Variants in CARHSP1 observed in about 807,000 individuals in gnomAD.
CARHSP1 encodes calcium regulated heat stable protein 1.
Under a neutral mutation model 12.5 loss-of-function variants are expected in CARHSP1, and 14 were observed. That is an observed-to-expected ratio of 1.12 (90% CI 0.74 to 1.75). CARHSP1 has a LOEUF of 1.75. CARHSP1 is among the 40% of genes most tolerant of loss of function. CARHSP1 has a pLI of 0.00. For missense variants in CARHSP1, 343 were observed against 201.6 expected, an observed-to-expected ratio of 1.70 and a Z score of -4.25; for synonymous variants, 161 against 82.0, an observed-to-expected ratio of 1.96 and a Z score of -5.20.
At chr16:8,860,360 C>G in intron 1 of CARHSP1, 1 of 985,438 alleles carries the variant, frequency 1.0e-6, no homozygotes, top group Non-Finnish European at 1.2e-6. Flanking sequence ...ACCGGTAAAT[C>G]CAGCTGGAGG....
intron 3 of CARHSP1, 151 bp downstream of exon 3, chr16:8,858,199 C>G (rs2093300933): frequency 1.1e-6 from 1 of 913,688 alleles, no homozygotes; most frequent in South Asian, 1.7e-5. Flanking sequence ...CACAGGAGCA[C>G]AGCTGGAGCA....
chr16:8,861,534 G>A (rs1016929281), intron 1 of CARHSP1: 3 of 1,115,318 alleles, frequency 2.7e-6, no homozygotes, highest in African/African-American at 3.2e-5. Context: ...CTGCTCAGAG[G>A]AGAAGGGATG....
chr16:8,868,848 G>C (rs910680207), intron 1 of CARHSP1, 118 bp downstream of exon 1: 9 of 152,104 alleles, frequency 5.9e-5, no homozygotes, highest in African/African-American at 2.2e-4. Context: ...TGCCGAGCTA[G>C]AAGACCCTGC....
intron 1 of CARHSP1, among the ~76,000 whole-genome samples, chr16:8,859,537 G>A (rs986433152): frequency 1.3e-5 from 2 of 151,696 alleles, no homozygotes; most frequent in Admixed American, 6.6e-5. Context: ...GGGCCCCCTC[G>A]ATCATAGCTC....
At chr16:8,858,632 C>T (rs139583919) in intron 2 of CARHSP1, 160 bp from the exon 3 acceptor site, 73 of 868,254 alleles carry the variant, frequency 8.4e-5, no homozygotes, top group African/African-American at 5.9e-4. Context: ...CCCTGGGAGC[C>T]GCTCACAAAG....
chr16:8,860,564 G>A (rs2061320692), intron 1 of CARHSP1: 3 of 979,616 alleles, frequency 3.1e-6, no homozygotes, highest in Non-Finnish European at 3.6e-6. Flanking sequence ...TCTGGGCTCA[G>A]TTTCCGAATC....
chr16:8,865,189 GA>G, intron 1 of CARHSP1, among the ~76,000 whole-genome samples: 1 of 152,082 alleles, frequency 6.6e-6, no homozygotes, highest in South Asian at 2.1e-4. Context: ...GCTCACTGCA[GA>G]CCCCCGCCCC....
intron 3 of CARHSP1, among the ~76,000 whole-genome samples, chr16:8,856,100 C>G (rs557757568): frequency 6.6e-6 from 1 of 152,192 alleles, no homozygotes; most frequent in Admixed American, 6.5e-5. Context: ...TGAGCCACCA[C>G]GCCTGGACTC....
chr16:8,857,092 A>G (rs948931874), intron 3 of CARHSP1, among the ~76,000 whole-genome samples: 4 of 152,086 alleles, frequency 2.6e-5, no homozygotes, highest in East Asian at 1.9e-4. Context: ...CCCCAGCCTC[A>G]TGGGGTGTCC....
intron 3 of CARHSP1, 131 bp downstream of exon 3, chr16:8,858,219 G>C: frequency 9.1e-7 from 1 of 1,101,592 alleles, no homozygotes. Flanking sequence ...ACCAGCCACA[G>C]GCAGAGTCAC....
Position 8,853,207 on chromosome 16 carries a change from A to G in CARHSP1, c.*1957T>C, listed in dbSNP as rs570969505. The G allele has an allele frequency of 3.2e-4, 49 of 152,290 alleles. No homozygotes were observed. The highest frequency in any genetic ancestry group is 1.0e-3 in the African/African-American group (43 of 41,550). 9.4% of individuals were successfully genotyped at this position (152,290 alleles called of 1,614,324 possible). On this transcript the variant is annotated 3_prime_UTR_variant, in exon 4 of 4. Coordinates refer to ENST00000311052, the MANE Select transcript of CARHSP1 (RefSeq NM_014316.4). ...GAGCCGCTGACAAAGGATTCTGCCA[A>G]GACAGAATCCCAGGGTCACAGGAGA...
rs766680945 is a variant in CARHSP1 at position 8,853,901 on chromosome 16, C to T, written c.*1263G>A. On this transcript the variant is annotated 3_prime_UTR_variant, in exon 4 of 4. Coordinates refer to ENST00000311052, the MANE Select transcript of CARHSP1 (RefSeq NM_014316.4). ...AGGGGTTCAAGACCATCCTGCCCAA[C>T]ATGATGAAACCTGGTCTCTACTAAA... 2.0e-5 allele frequency: 3 copies of T among 152,316 alleles called. No individual in the cohort carries two copies. Among genetic ancestry groups the T allele is most frequent in the Middle Eastern group, 3.4e-3 (1 of 296 alleles). The allele number at this position is 152,316 out of a possible 1,614,324, so 9.4% of individuals were successfully genotyped here.
At chr16:8,857,220 T>A (rs2061146824) in intron 3 of CARHSP1, among the ~76,000 whole-genome samples, 1 of 144,692 alleles carries the variant, frequency 6.9e-6, no homozygotes, top group African/African-American at 2.5e-5. Flanking sequence ...CACCCCCAGA[T>A]CCATTTCCAT....
Position 8,855,270 on chromosome 16 carries a change from G to C in CARHSP1, c.338C>G (p.Ser113Cys). The change falls in exon 4 of 4, where the codon TCC becomes TGC. Residue 113 changes from serine (S) to cysteine (C), a missense_variant. Ser to Cys is a moderately radical substitution (Grantham distance 112). Coordinates refer to ENST00000311052, the MANE Select transcript of CARHSP1 (RefSeq NM_014316.4). ...EGDEVTYKMC[S>C]IPPKNEKLQA... ...CAGCTTCTCATTCTTGGGTGGGATG[G>C]AGCACATTTTATAGGTGACCTCGTC... The C allele has an allele frequency of 9.3e-6, 15 of 1,612,910 alleles. No homozygotes were observed. The highest frequency in any genetic ancestry group is 1.3e-5 in the Non-Finnish European group (15 of 1,179,316).
intron 3 of CARHSP1, among the ~76,000 whole-genome samples, chr16:8,857,186 C>T (rs1293615410): frequency 1.3e-5 from 2 of 151,716 alleles, no homozygotes; most frequent in South Asian, 2.1e-4. Context: ...TGACACCACC[C>T]TGTCTCCCAC....
chr16:8,853,543 A>T lies in CARHSP1; in HGVS notation c.*1621T>A, dbSNP rs544731787. ...CCCCTTAGGCTGAAAGGACAAACTC[A>T]TCAGAGTTGAGGAGTACCTACCTGA... On this transcript the variant is annotated 3_prime_UTR_variant, in exon 4 of 4. Transcript: ENST00000311052. The T allele has an allele frequency of 3.5e-4, 53 of 152,314 alleles. 1 individual carries two copies. Among genetic ancestry groups the T allele is most frequent in the Admixed American group, 3.1e-3 (47 of 15,304 alleles). 9.4% of individuals were successfully genotyped at this position (152,314 alleles called of 1,614,324 possible).
intron 3 of CARHSP1, among the ~76,000 whole-genome samples, chr16:8,856,666 C>T (rs894722690): frequency 6.6e-6 from 1 of 152,176 alleles, no homozygotes; most frequent in Admixed American, 6.5e-5. Context: ...TTGCAGTGGG[C>T]TCCTCTTTTC....
rs1053448551 is a variant in CARHSP1 at position 8,861,621 on chromosome 16, G to T, written c.-7-2286C>A. On this transcript the variant is annotated intron_variant, in intron 1 of 3. Transcript: ENST00000311052. ...GTTGGGCCTCAGTTCTGTCGGGCTG[G>T]GAAGCTGGTGGCTGGCTTGCCTTCT... The T allele has an allele frequency of 7.8e-6, 10 of 1,289,100 alleles. No homozygotes were observed. The African/African-American group carries it at 1.4e-4, about 18-fold the overall frequency. 79.9% of individuals were successfully genotyped at this position (1,289,100 alleles called of 1,614,324 possible).
At position 8,859,237 on chromosome 16, in the gene CARHSP1, G is replaced by A. The variant is rs763437637; in HGVS notation, c.92C>T (p.Pro31Leu). ...LDTPRSRERS[P>L]SPLRGNVVPS... The stretch of plus-strand genomic sequence containing the variant: ...GACCACGTTGCCCCGCAGAGGGGAT[G>A]GTGAGCGCTCACGGCTCCGAGGGGT... The change falls in exon 2 of 4, where the codon CCA becomes CTA. Residue 31 changes from proline (P) to leucine (L), a missense_variant. Coordinates refer to ENST00000311052, the MANE Select transcript of CARHSP1 (RefSeq NM_014316.4). The A allele has an allele frequency of 6.2e-7, 1 of 1,602,162 alleles. No individual in the cohort carries two copies. The highest frequency in any genetic ancestry group is 8.5e-7 in the Non-Finnish European group (1 of 1,176,822).
Sources: gnomAD v4.1 joint callset for allele counts (sites outside exome capture counted in the v4.1 genomes callset) on GRCh38, gnomAD v4.1.1 for gene constraint, MANE v1.5 for transcripts, NCBI Gene and HGNC (gene_info 2026-07-23, HGNC 2026-07-21) for gene names.